The following SIRPD variants were observed in gnomAD, a reference collection of about 807,000 sequenced individuals.
SIRPD encodes the protein signal regulatory protein delta.
SIRPD carries 21 observed loss-of-function variants against 18.0 expected under a neutral mutation model. The ratio of observed to expected loss-of-function variants is 1.17; its 90% CI spans 0.83 to 1.68. The LOEUF is 1.68. Ranked by LOEUF, SIRPD falls within the 40% of genes most tolerant of loss-of-function variation. The probability of loss-of-function intolerance (pLI) is 0.00; values close to 1 mark genes in which losing one functional copy is unlikely to be tolerated. For missense variants in SIRPD, 295 were observed against 238.4 expected (o/e 1.24, Z -1.56); for synonymous variants, 106 against 92.9 (o/e 1.14, Z -0.81).
chr20:1,537,163 C>A lies in SIRPD; in HGVS notation c.569G>T (p.Gly190Val). Residue 190 changes from glycine (G) to valine (V), a missense_variant, in exon 3 of 4, where the codon GGA becomes GTA. Transcript: ENST00000381623. Reference sequence around the variant, plus strand: ...AGGGTGGGGGCACTCACCTGTGAGTCCCAGCAGCCGGAGGCAGCAGCAGGG... The same window carrying A: ...AGGGTGGGGGCACTCACCTGTGAGTACCAGCAGCCGGAGGCAGCAGCAGGG... Reference protein sequence around the residue: ...VQPCCCLRLLGLTGLLSK With the variant: ...VQPCCCLRLLVLTGLLSK The A allele has an allele frequency of 6.2e-7, 1 of 1,613,692 alleles. No homozygotes were observed. Among genetic ancestry groups the A allele is most frequent in the Non-Finnish European group, 8.5e-7 (1 of 1,179,768 alleles).
rs780502245 is a variant in SIRPD at position 1,557,625 on chromosome 20, G to GGGT, written c.26_28dup (p.His9dup). The GGGT allele has an allele frequency of 6.2e-7, 1 of 1,607,900 alleles. No homozygotes were observed. Among genetic ancestry groups the GGGT allele is most frequent in the Non-Finnish European group, 8.5e-7 (1 of 1,176,974 alleles). ...ATACAGCAGTAAGGAAGGCAGAGGTGGGTGGAGTGGGGAGGCAGGGATGGG... is the reference window on the plus strand; with the variant it reads ...ATACAGCAGTAAGGAAGGCAGAGGTGGGTGGTGGAGTGGGGAGGCAGGGATGGG... On this transcript the variant is annotated inframe_insertion, in exon 1 of 4. Transcript: ENST00000381623.
At chr20:1,556,053 G>GT (rs2091039852) in intron 1 of SIRPD, among the ~76,000 whole-genome samples, 1 of 152,226 alleles carries the variant, frequency 6.6e-6, no homozygotes, top group Non-Finnish European at 1.5e-5. Context: ...CTCACAGGCA[G>GT]TTTGCAACAT....
intron 2 of SIRPD, among the ~76,000 whole-genome samples, chr20:1,540,552 C>T (rs1376966619): frequency 6.6e-6 from 1 of 152,168 alleles, no homozygotes; most frequent in Non-Finnish European, 1.5e-5. Flanking sequence ...TCCCCCAAAT[C>T]ATAAGAAATG....
chr20:1,549,471 G>A lies in SIRPD; in HGVS notation c.421+2220C>T, dbSNP rs150536296. Among the ~76,000 whole-genome samples the A allele has an allele frequency of 7.8e-3, 1,179 of 151,520 alleles. 15 individuals are homozygous for A. The highest frequency in any genetic ancestry group is 0.011 in the Non-Finnish European group (777 of 67,940). Reference sequence around the variant, plus strand: ...TGGACATCTTAGATAATACATTGTAGAAACTCTGGATATTGGTCTTCCTCA... The same window carrying A: ...TGGACATCTTAGATAATACATTGTAAAAACTCTGGATATTGGTCTTCCTCA... On this transcript the variant is annotated intron_variant, in intron 2 of 3. Transcript: ENST00000381623.
chr20:1,554,429 A>G (rs2091031109), intron 1 of SIRPD: 1 of 152,572 alleles, frequency 6.6e-6, no homozygotes, highest in Admixed American at 6.5e-5. Context: ...CCAGTCATAT[A>G]AAAATTACAA....
At chr20:1,549,370 CT>C (rs11475966) in intron 2 of SIRPD, among the ~76,000 whole-genome samples, 63,737 of 147,106 alleles carry the variant, frequency 0.43, 15,295 homozygotes, top group East Asian at 0.78. Context: ...TTTCTGATAC[CT>C]TTTTTTTTTT....
chr20:1,548,829 T>C (rs1293279658), intron 2 of SIRPD, among the ~76,000 whole-genome samples: 1 of 152,156 alleles, frequency 6.6e-6, no homozygotes, highest in Non-Finnish European at 1.5e-5. Flanking sequence ...TTTCTGATTC[T>C]AGTAATTTGA....
chr20:1,553,029 C>T (rs183341350), intron 1 of SIRPD, among the ~76,000 whole-genome samples: 50 of 152,274 alleles, frequency 3.3e-4, no homozygotes, highest in African/African-American at 1.2e-3. Flanking sequence ...GAAGGAAATA[C>T]TGGTTATCCT....
At chr20:1,543,957 G>A (rs1361308372) in intron 2 of SIRPD, among the ~76,000 whole-genome samples, 1 of 152,178 alleles carries the variant, frequency 6.6e-6, no homozygotes, top group South Asian at 2.1e-4. Flanking sequence ...GTTCTAATTT[G>A]ATTGCACTGT....
At chr20:1,548,858 C>T (rs375424745) in intron 2 of SIRPD, among the ~76,000 whole-genome samples, 33 of 151,948 alleles carry the variant, frequency 2.2e-4, no homozygotes, top group Middle Eastern at 3.2e-3. Context: ...TTTCAGTCTC[C>T]GGTCCAGCTG....
At chr20:1,539,906 T>C (rs1429666192) in intron 2 of SIRPD, among the ~76,000 whole-genome samples, 1 of 152,160 alleles carries the variant, frequency 6.6e-6, no homozygotes, top group African/African-American at 2.4e-5. Context: ...CTTTGGATTA[T>C]TGCATTATTG....
chr20:1,546,047 G>A (rs1464446802), intron 2 of SIRPD, among the ~76,000 whole-genome samples: 3 of 152,224 alleles, frequency 2.0e-5, no homozygotes, highest in Admixed American at 1.3e-4. Flanking sequence ...TGTATGAGGT[G>A]TCTGTCGACC....
chr20:1,535,445 C>T (rs1044993525), intron 3 of SIRPD, among the ~76,000 whole-genome samples: 7 of 152,024 alleles, frequency 4.6e-5, no homozygotes, highest in African/African-American at 1.5e-4. Context: ...AAGGACTCTG[C>T]GTTATTTCAC....
chr20:1,541,163 T>C (rs1443967070), intron 2 of SIRPD, among the ~76,000 whole-genome samples: 7 of 152,218 alleles, frequency 4.6e-5, no homozygotes, highest in Admixed American at 1.3e-4. Flanking sequence ...AGTAATGGGA[T>C]TGCTGGGTCA....
chr20:1,540,695 T>C (rs1258696319), intron 2 of SIRPD, among the ~76,000 whole-genome samples: 1 of 152,208 alleles, frequency 6.6e-6, no homozygotes, highest in East Asian at 1.9e-4. Context: ...AACCTGCAGG[T>C]TTGTTACACA....
chr20:1,552,957 T>C (rs928237795), intron 1 of SIRPD, among the ~76,000 whole-genome samples: 2 of 152,190 alleles, frequency 1.3e-5, no homozygotes, highest in African/African-American at 4.8e-5. Context: ...GTTCTCCTGG[T>C]AGAACTGAGG....
At chr20:1,536,518 T>A (rs1424501052) in intron 3 of SIRPD, among the ~76,000 whole-genome samples, 1 of 151,226 alleles carries the variant, frequency 6.6e-6, no homozygotes, top group Admixed American at 6.6e-5. Flanking sequence ...GTGCAGATCA[T>A]CTTTGGAGAG....
chr20:1,546,042 G>A (rs2090992274), intron 2 of SIRPD, among the ~76,000 whole-genome samples: 1 of 152,230 alleles, frequency 6.6e-6, no homozygotes, highest in Non-Finnish European at 1.5e-5. Context: ...TCTCCTGTAT[G>A]AGGTGTCTGT....
At chr20:1,548,964 T>A (rs990800670) in intron 2 of SIRPD, among the ~76,000 whole-genome samples, 9 of 152,144 alleles carry the variant, frequency 5.9e-5, no homozygotes, top group Non-Finnish European at 1.0e-4. Context: ...CCCTATTACA[T>A]GTATGCGGTG....
Sources: allele counts gnomAD v4.1 joint callset (sites outside exome capture counted in the v4.1 genomes callset), GRCh38; gene constraint gnomAD v4.1.1; transcripts MANE v1.5; gene names NCBI Gene and HGNC (gene_info 2026-07-23, HGNC 2026-07-21).